ARMCX4: variants seen among roughly 807,000 people sequenced by gnomAD.
ARMCX4 encodes armadillo repeat containing X-linked 4.
Under a neutral mutation model 34.7 loss-of-function variants are expected in ARMCX4, and 3 were observed. The ratio of observed to expected loss-of-function variants is 0.09; its 90% CI spans 0.04 to 0.22. The LOEUF is 0.22. ARMCX4 is among the 10% of genes least tolerant of loss of function. ARMCX4 has a pLI of 1.00. For synonymous variants in ARMCX4, 513 were observed against 632.8 expected, an observed-to-expected ratio of 0.81 and a Z score of 2.84; for missense variants, 1,448 against 1,720.8, an observed-to-expected ratio of 0.84 and a Z score of 2.81.
intron 11 of ARMCX4, among the ~76,000 whole-genome samples, chrX:101,513,481 C>G (rs1281832385): frequency 8.9e-6 from 1 of 111,808 alleles, no homozygotes; most frequent in Non-Finnish European, 1.9e-5. Context: ...CCTTGATATC[C>G]TGTAACTTAA....
At chrX:101,449,801 G>A (rs1931874681), downstream of ARMCX4, among the ~76,000 whole-genome samples, 1 of 111,406 alleles carries the variant, frequency 9.0e-6, no homozygotes, top group Non-Finnish European at 1.9e-5. Context: ...GCATTGAAGA[G>A]CTAGGTATTT....
downstream of ARMCX4, among the ~76,000 whole-genome samples, chrX:101,500,196 C>A (rs975073147): frequency 7.2e-5 from 8 of 111,235 alleles, no homozygotes; most frequent in African/African-American, 2.6e-4. Flanking sequence ...TAAGGGGGAT[C>A]CTGGCCTAGG....
intron 8 of ARMCX4, among the ~76,000 whole-genome samples, chrX:101,508,257 A>G (rs1254558881): frequency 2.7e-5 from 3 of 112,627 alleles, no homozygotes; most frequent in Non-Finnish European, 5.6e-5. Flanking sequence ...AGGCTAATGT[A>G]TTAGTCCTCT....
At chrX:101,431,905 T>C (rs1277231709) in intron 2 of ARMCX4, among the ~76,000 whole-genome samples, 1 of 112,190 alleles carries the variant, frequency 8.9e-6, no homozygotes, top group Non-Finnish European at 1.9e-5. Flanking sequence ...GCTAATAGTG[T>C]ATGTTTTGCT....
At chrX:101,448,094 ATTTGT>A (rs782267617), downstream of ARMCX4, among the ~76,000 whole-genome samples, 1 of 111,491 alleles carries the variant, frequency 9.0e-6, no homozygotes, top group South Asian at 3.7e-4. Flanking sequence ...AACATGCGAT[ATTTGT>A]TTTTCTGTGC....
intron 2 of ARMCX4, among the ~76,000 whole-genome samples, chrX:101,423,485 C>A (rs1348263417): frequency 2.8e-5 from 3 of 107,884 alleles, no homozygotes; most frequent in Non-Finnish European, 5.8e-5. Context: ...GGCATGGTGA[C>A]ACATGCCTGT....
At chrX:101,523,254 T>A in intron 11 of ARMCX4, among the ~76,000 whole-genome samples, 1 of 111,846 alleles carries the variant, frequency 8.9e-6, no homozygotes, top group Non-Finnish European at 1.9e-5. Flanking sequence ...AAAATCAGTA[T>A]CATCCCTGGA....
At chrX:101,513,025 T>C (rs984722408) in intron 11 of ARMCX4, among the ~76,000 whole-genome samples, 6 of 108,914 alleles carry the variant, frequency 5.5e-5, no homozygotes, top group Non-Finnish European at 1.1e-4. Flanking sequence ...CTGAAATCCG[T>C]AGGGCATGTT....
chrX:101,447,098 C>T (rs1931694918), downstream of ARMCX4, among the ~76,000 whole-genome samples: 1 of 112,022 alleles, frequency 8.9e-6, no homozygotes, highest in Admixed American at 9.5e-5. Flanking sequence ...CTTGAGTGTA[C>T]TCATGATATG....
At chrX:101,478,200 CTG>C (rs1556004748) in intron 4 of ARMCX4, among the ~76,000 whole-genome samples, 3 of 112,035 alleles carry the variant, frequency 2.7e-5, no homozygotes. Context: ...AAATATTAAA[CTG>C]TCATTTACAG....
chrX:101,500,887 T>C (rs1934283687), intron 7 of ARMCX4, among the ~76,000 whole-genome samples: 1 of 111,619 alleles, frequency 9.0e-6, no homozygotes, highest in Non-Finnish European at 1.9e-5. Context: ...ATCATGCTAA[T>C]TGGACCAAAA....
chrX:101,489,475 A>G lies in ARMCX4; in HGVS notation c.886A>G (p.Thr296Ala), dbSNP rs1933883423. 8.7e-7 allele frequency: 1 copy of G among 1,154,758 alleles called. No individual in the cohort carries two copies. Among genetic ancestry groups the G allele is most frequent in the Admixed American group, 2.6e-5 (1 of 38,732 alleles). The change falls in exon 6 of 6, where the codon ACT (threonine) becomes GCT (alanine). Residue 296 changes from threonine (T) to alanine (A), a missense_variant. Around this residue, in one of 2 missense-constraint regions of ARMCX4, gnomAD observed 1,343 missense variants for 1,540.7 expected, o/e 0.87. Coordinates refer to ENST00000423738, the MANE Select transcript of ARMCX4 (RefSeq NM_001256155.3). ...GATCCAGGGTGATGACATGCCTGGTACTGGGGTTGAGGACATGGGGAATTG... is the reference window on the plus strand; with the variant it reads ...GATCCAGGGTGATGACATGCCTGGTGCTGGGGTTGAGGACATGGGGAATTG... ...TKIQGDDMPG[T>A]GVEDMGNCKT...
downstream of ARMCX4, among the ~76,000 whole-genome samples, chrX:101,447,306 T>C (rs982766136): frequency 1.8e-5 from 2 of 112,599 alleles, no homozygotes; most frequent in Non-Finnish European, 3.7e-5. Flanking sequence ...CAAATAATTG[T>C]GGACATCTTT....
At chrX:101,534,116 CA>C (rs1160416805), downstream of ARMCX4, among the ~76,000 whole-genome samples, 2 of 111,575 alleles carry the variant, frequency 1.8e-5, no homozygotes, top group Admixed American at 9.6e-5. Flanking sequence ...ATAAACTTAA[CA>C]AAAAAATCTG....
downstream of ARMCX4, among the ~76,000 whole-genome samples, chrX:101,500,324 T>C (rs1934268364): frequency 9.0e-6 from 1 of 111,565 alleles, no homozygotes; most frequent in Admixed American, 9.6e-5. Flanking sequence ...CTATAGTAGT[T>C]CTTTGGCCTG....
rs140809796 is a variant in ARMCX4 at position 101,529,613 on chromosome X, C to T, written c.*1781-2031C>T. ...ACAAAGGGCTAATATTCAGAATCTACGAAGAACTTAAACAAATTTACAAGA... is the reference window on the plus strand; with the variant it reads ...ACAAAGGGCTAATATTCAGAATCTATGAAGAACTTAAACAAATTTACAAGA... On this transcript the variant is annotated intron_variant and NMD_transcript_variant, in intron 11 of 12. Coordinates refer to the ARMCX4 transcript ENST00000354842. Among the ~76,000 whole-genome samples, 929 of 111,927 alleles carry T rather than the reference C, an allele frequency of 8.3e-3. 10 individuals carry two copies. Among genetic ancestry groups the T allele is most frequent in the African/African-American group, 0.028 (870 of 30,832 alleles).
At chrX:101,514,929 C>T (rs1934674789) in intron 11 of ARMCX4, among the ~76,000 whole-genome samples, 1 of 111,561 alleles carries the variant, frequency 9.0e-6, no homozygotes, top group Non-Finnish European at 1.9e-5. Context: ...CAGGTTCTAC[C>T]CATATGTTCT....
At chrX:101,458,774 A>G (rs1368950796) in intron 4 of ARMCX4, among the ~76,000 whole-genome samples, 1 of 112,136 alleles carries the variant, frequency 8.9e-6, no homozygotes, top group Non-Finnish European at 1.9e-5. Flanking sequence ...GGCGTAAGCC[A>G]CTGTGCCCGG....
chrX:101,510,466 T>C (rs937617078), intron 10 of ARMCX4, among the ~76,000 whole-genome samples: 17 of 112,170 alleles, frequency 1.5e-4, no homozygotes, highest in South Asian at 3.7e-4. Flanking sequence ...GGAGTGATAG[T>C]CACTGAGGTA....
Sources: allele counts gnomAD v4.1 joint callset (sites outside exome capture counted in the v4.1 genomes callset), GRCh38; gene constraint gnomAD v4.1.1; regional missense constraint gnomAD v4.1.1; transcripts MANE v1.5; gene names NCBI Gene and HGNC (gene_info 2026-07-23, HGNC 2026-07-21).